CDH5: variants seen among roughly 807,000 people sequenced by gnomAD.
CDH5 encodes the protein cadherin-5.
A neutral mutation model predicts 62.0 loss-of-function variants in CDH5; 28 were observed. The ratio of observed to expected loss-of-function variants is 0.45; its 90% CI spans 0.33 to 0.62. The LOEUF (loss-of-function observed/expected upper bound fraction) is 0.62, where lower values mean the gene tolerates loss of function less well. CDH5 is among the 20% of genes least tolerant of loss of function. The probability of loss-of-function intolerance (pLI) is 0.02; values close to 1 mark genes in which losing one functional copy is unlikely to be tolerated. For synonymous variants in CDH5, 464 were observed against 445.8 expected, an observed-to-expected ratio of 1.04 and a Z score of -0.52; for missense variants, 940 against 1,065.1, an observed-to-expected ratio of 0.88 and a Z score of 1.63.
intron 8 of CDH5, 31 bp from the exon 9 acceptor site, chr16:66,397,951 C>T: frequency 6.2e-7 from 1 of 1,613,870 alleles, no homozygotes; most frequent in Non-Finnish European, 8.5e-7. Context: ...ATCAGCTGAG[C>T]CCATAATGGT....
At chr16:66,398,312 C>A in intron 9 of CDH5, 144 bp from the exon 10 acceptor site, 2 of 773,674 alleles carry the variant, frequency 2.6e-6, no homozygotes, top group Admixed American at 2.2e-5. Context: ...GAAAGAATGG[C>A]TTTATGAAGA....
chr16:66,403,349 G>A lies in CDH5; in HGVS notation c.*180G>A, dbSNP rs1961333279. 1.6e-6 allele frequency: 1 copy of A among 608,146 alleles called. No individual in the cohort carries two copies. The highest frequency in any genetic ancestry group is 2.8e-5 in the East Asian group (1 of 36,234). The allele number at this position is 608,146 out of a possible 1,614,324, so 37.7% of individuals were successfully genotyped here. A position where few individuals can be genotyped will look rare whatever the true frequency, so the allele number is the denominator to read the frequency against. ...AACTCCAGGTTCCTGAAATATCCAG[G>A]AATATATGTCAGTGATGACTATTCT... On this transcript the variant is annotated 3_prime_UTR_variant, in exon 12 of 12. Transcript: ENST00000341529. The surrounding 1 kb of genome is among the most constrained non-coding windows in gnomAD (Gnocchi z 4.3).
At chr16:66,371,411 T>C (rs1035504684) in intron 1 of CDH5, among the ~76,000 whole-genome samples, 1 of 152,090 alleles carries the variant, frequency 6.6e-6, no homozygotes, top group Non-Finnish European at 1.5e-5. Context: ...ACCCCAGGCC[T>C]CTGGGCTGGA....
chr16:66,403,038 T>A lies in CDH5; in HGVS notation c.2224T>A (p.Ser742Thr), dbSNP rs767715279. 1.2e-6 allele frequency: 2 copies of A among 1,613,070 alleles called. No individual in the cohort carries two copies. The highest frequency in any genetic ancestry group is 3.3e-5 in the Admixed American group (2 of 59,902). ...CGAGGGCTCCGAGTCCATAGCCGAG[T>A]CCCTCAGCTCCCTGGGCACCGACTC... is the stretch of plus-strand genomic sequence containing the variant. ...GYEGSESIAE[S>T]LSSLGTDSSD... The change falls in exon 12 of 12, where the codon TCC (serine) becomes ACC (threonine). Residue 742 changes from serine (S) to threonine (T), a missense_variant. Transcript: ENST00000341529. This position sits in a 1 kb window ranked among gnomAD's most constrained non-coding sequence, Gnocchi z 4.3.
chr16:66,389,565 C>T (rs1170645343), intron 5 of CDH5, 43 bp downstream of exon 5: 4 of 1,457,444 alleles, frequency 2.7e-6, no homozygotes, highest in African/African-American at 1.4e-5. Flanking sequence ...GGCTGGGATA[C>T]CCCAGACTCA....
At position 66,402,647 on chromosome 16, in the gene CDH5, T is replaced by C; in HGVS notation, c.1838-5T>C. The stretch of plus-strand genomic sequence containing the variant: ...TGACTCTGCTGCTCGGCTCCCTGGC[T>C]GCAGTGATCACCCTGCTCATCTTCC... On this transcript the variant is annotated splice_region_variant and splice_polypyrimidine_tract_variant and intron_variant, in intron 11 of 11. Transcript: ENST00000341529. 6.3e-7 allele frequency: 1 copy of C among 1,576,302 alleles called. No individual in the cohort carries two copies. Among genetic ancestry groups the C allele is most frequent in the Non-Finnish European group, 8.6e-7 (1 of 1,163,270 alleles).
intron 5 of CDH5, among the ~76,000 whole-genome samples, chr16:66,389,892 T>C (rs556986521): frequency 1.3e-5 from 2 of 152,210 alleles, no homozygotes; most frequent in Non-Finnish European, 2.9e-5. Flanking sequence ...CACAAGCCAG[T>C]GAACATGGGG....
In CDH5 at chr16:66,389,361, G is replaced by A. The variant is rs373056526; in HGVS notation, c.620G>A (p.Arg207His). 62 of 1,609,564 alleles carry A rather than the reference G, an allele frequency of 3.9e-5. No homozygotes were observed. Among genetic ancestry groups the A allele is most frequent in the African/African-American group, 1.6e-4 (12 of 74,874 alleles). The change falls in exon 5 of 12, where the codon CGT becomes CAT. Residue 207 changes from arginine to histidine, a missense_variant. By Grantham distance (29) the Arg-to-His change is conservative (BLOSUM62 0). Transcript: ENST00000341529. Reference sequence around the variant, plus strand: ...CCTGCTGGGAATCTTTTTGCAGGACGTATTATCACAATAACGAAAAGCTTG... The same window carrying A: ...CCTGCTGGGAATCTTTTTGCAGGACATATTATCACAATAACGAAAAGCTTG... ...KEYFAIDNSG[R>H]IITITKSLDR...
rs1487892645 is a variant in CDH5, at chr16:66,402,687, C to A, written c.1873C>A (p.Arg625=). 6.2e-7 allele frequency: 1 copy of A among 1,605,716 alleles called. No individual in the cohort carries two copies. The highest frequency in any genetic ancestry group is 8.5e-7 in the Non-Finnish European group (1 of 1,177,440). ...TLLIFLRRRL[R]KQARAHGKSV... is the part of the protein sequence containing the mutation. ...GCTCATCTTCCTGCGGCGGCGGCTCCGGAAGCAGGCCCGCGCGCACGGCAA... is the reference window on the plus strand; with the variant it reads ...GCTCATCTTCCTGCGGCGGCGGCTCAGGAAGCAGGCCCGCGCGCACGGCAA... The change falls in exon 12 of 12, where the codon CGG becomes AGG. Residue 625 remains arginine, a synonymous_variant. Coordinates refer to ENST00000341529, the MANE Select transcript of CDH5 (RefSeq NM_001795.5).
Position 66,390,512 on chromosome 16 carries a change from C to T in CDH5, c.891C>T (p.Ile297=). Residue 297 remains isoleucine (I), a synonymous_variant, in exon 6 of 12, where the codon ATC becomes ATT. Coordinates refer to ENST00000341529, the MANE Select transcript of CDH5 (RefSeq NM_001795.5). ...EPQNRMTKYS[I]LRGDYQDAFT... ...AGAACCGGATGACCAAGTACAGCAT[C>T]TTGCGGGGCGACTACCAGGACGCTT... The T allele has an allele frequency of 1.2e-6, 2 of 1,614,160 alleles. No homozygotes were observed. Among genetic ancestry groups the T allele is most frequent in the Non-Finnish European group, 1.7e-6 (2 of 1,180,036 alleles).
At position 66,372,751 on chromosome 16, in the gene CDH5, G is replaced by A. The variant is rs146264635; in HGVS notation, c.-20+5993G>A. On this transcript the variant is annotated intron_variant, in intron 1 of 11. Coordinates refer to ENST00000341529, the MANE Select transcript of CDH5 (RefSeq NM_001795.5). Reference sequence around the variant, plus strand: ...CATGGGAGCATGGTGGAGCCCAGTCGTCCCCCTTATTTTCCAAGGCTCCCC... The same window carrying A: ...CATGGGAGCATGGTGGAGCCCAGTCATCCCCCTTATTTTCCAAGGCTCCCC... Among the ~76,000 whole-genome samples the A allele has an allele frequency of 4.8e-3, 731 of 152,172 alleles. 5 individuals are homozygous for A. Among genetic ancestry groups the A allele is most frequent in the African/African-American group, 0.017 (691 of 41,532 alleles).
rs1362087423 is a variant in CDH5 at position 66,403,016 on chromosome 16, G to A, written c.2202G>A (p.Glu734=). 1 of 1,613,182 alleles carries A rather than the reference G, an allele frequency of 6.2e-7. No individual in the cohort carries two copies. Among genetic ancestry groups the A allele is most frequent in the Non-Finnish European group, 8.5e-7 (1 of 1,179,788 alleles). The change falls in exon 12 of 12, where the codon GAG becomes GAA. Residue 734 remains glutamate (E), a synonymous_variant. Transcript: ENST00000341529. This position sits in a 1 kb window ranked among gnomAD's most constrained non-coding sequence, Gnocchi z 4.3. ...ACACGCTGCACATCTACGGCTACGA[G>A]GGCTCCGAGTCCATAGCCGAGTCCC... The part of the protein sequence containing the change: ...PYDTLHIYGY[E]GSESIAESLS...
At chr16:66,375,496 C>T (rs776581510) in intron 1 of CDH5, among the ~76,000 whole-genome samples, 1 of 151,960 alleles carries the variant, frequency 6.6e-6, no homozygotes, top group Non-Finnish European at 1.5e-5. Flanking sequence ...CACCACACTC[C>T]AGCCTGGGCG....
At chr16:66,399,946 C>T (rs1179555225) in intron 10 of CDH5, among the ~76,000 whole-genome samples, 2 of 152,050 alleles carry the variant, frequency 1.3e-5, no homozygotes, top group African/African-American at 2.4e-5. Context: ...TTTTTCAATC[C>T]AGTGTGTGGA....
intron 2 of CDH5, among the ~76,000 whole-genome samples, chr16:66,382,513 A>C (rs1960915504): frequency 6.6e-6 from 1 of 152,176 alleles, no homozygotes. Flanking sequence ...CCGGTGGGAT[A>C]ATTGTGCCTT....
At position 66,379,419 on chromosome 16, in the gene CDH5, G is replaced by A. The variant is rs1960845086; in HGVS notation, c.82G>A (p.Ala28Thr). 6.2e-7 allele frequency: 1 copy of A among 1,614,188 alleles called. No individual in the cohort carries two copies. The highest frequency in any genetic ancestry group is 1.1e-5 in the South Asian group (1 of 91,086). ...LAVAAVAAAG[A>T]NPAQRDTHSL... ...AGTGGCAGCAGTGGCAGCAGCAGGT[G>A]CTAACCCTGCCCAACGGGACACCCA... Residue 28 changes from alanine to threonine, a missense_variant, in exon 2 of 12, where the codon GCT (alanine) becomes ACT (threonine). Physicochemically the swap from Ala to Thr is moderately conservative, Grantham distance 58. Transcript: ENST00000341529.
At chr16:66,402,171 C>A (rs1044397184) in intron 11 of CDH5, among the ~76,000 whole-genome samples, 7 of 151,888 alleles carry the variant, frequency 4.6e-5, no homozygotes, top group African/African-American at 1.2e-4. Flanking sequence ...TCCAGGGCAT[C>A]CCAGCTTTAC....
intron 1 of CDH5, chr16:66,376,293 C>T (rs957366542): frequency 6.6e-6 from 1 of 152,122 alleles, no homozygotes; most frequent in Non-Finnish European, 1.5e-5. Context: ...CCATTAAAAC[C>T]TTAGGGGACC....
Position 66,389,407 on chromosome 16 carries a change from G to T in CDH5, c.666G>T (p.Arg222Ser), listed in dbSNP as rs558552805. The T allele has an allele frequency of 6.2e-7, 1 of 1,613,712 alleles. No individual in the cohort carries two copies. Among genetic ancestry groups the T allele is most frequent in the Non-Finnish European group, 8.5e-7 (1 of 1,179,774 alleles). ...GCTTGGACCGAGAGAAGCAGGCCAGGTATGAGATCGTGGTGGAAGCGCGAG... is the reference window on the plus strand; with the variant it reads ...GCTTGGACCGAGAGAAGCAGGCCAGTTATGAGATCGTGGTGGAAGCGCGAG... ...TKSLDREKQARYEIVVEARDA... is the reference protein window; with the variant it reads ...TKSLDREKQASYEIVVEARDA... Residue 222 changes from arginine to serine, a missense_variant, in exon 5 of 12, where the codon AGG becomes AGT. Coordinates refer to ENST00000341529, the MANE Select transcript of CDH5 (RefSeq NM_001795.5).
Sources: allele counts gnomAD v4.1 joint callset (sites outside exome capture counted in the v4.1 genomes callset), GRCh38; gene constraint gnomAD v4.1.1; non-coding constraint Gnocchi (gnomAD v3.1); transcripts MANE v1.5; gene names NCBI Gene and HGNC (gene_info 2026-07-23, HGNC 2026-07-21).